Variants in RUNX1 observed in about 807,000 individuals in gnomAD.
The protein encoded by RUNX1 is runt-related transcription factor 1.
A neutral mutation model predicts 42.8 loss-of-function variants in RUNX1; 19 were observed. The observed-to-expected ratio is 0.44, with a 90% CI of 0.31 to 0.65. The LOEUF (loss-of-function observed/expected upper bound fraction) is 0.65, where lower values mean the gene tolerates loss of function less well. Among genes scored for constraint, RUNX1 ranks in the 30% least tolerant of loss-of-function variants. The pLI is 0.07. For synonymous variants in RUNX1, 271 were observed against 289.4 expected, an observed-to-expected ratio of 0.94 and a Z score of 0.64; for missense variants, 528 against 672.0, an observed-to-expected ratio of 0.79 and a Z score of 2.37.
intron 2 of RUNX1, among the ~76,000 whole-genome samples, chr21:34,925,647 T>A (rs2058387425): frequency 6.6e-6 from 1 of 152,216 alleles, no homozygotes; most frequent in African/African-American, 2.4e-5. Context: ...TTCTGGCTTC[T>A]AAAGTTTTGA....
At chr21:34,859,178 G>A (rs964106409) in intron 6 of RUNX1, among the ~76,000 whole-genome samples, 1 of 152,186 alleles carries the variant, frequency 6.6e-6, no homozygotes, top group Non-Finnish European at 1.5e-5. Flanking sequence ...GAACTTTACT[G>A]TATATTGAGG....
chr21:35,048,997 T>G, intron 1 of RUNX1, 39 bp from the exon 2 acceptor site: 1 of 977,646 alleles, frequency 1.0e-6, no homozygotes. Context: ...TGTTTCAGCC[T>G]CACCCCTCTA....
At position 34,834,608 on chromosome 21, in the gene RUNX1, T is replaced by C. The variant is rs763091190; in HGVS notation, c.614-7A>G. On this transcript the variant is annotated splice_region_variant and splice_polypyrimidine_tract_variant and intron_variant, in intron 6 of 8. Transcript: ENST00000675419. ...TCTAGTTTCTGCCGATGTCCTATTGTGGGGAGCAGGGAGGGGAGGGGATGG... is the reference window on the plus strand; with the variant it reads ...TCTAGTTTCTGCCGATGTCCTATTGCGGGGAGCAGGGAGGGGAGGGGATGG... The C allele has an allele frequency of 7.1e-7, 1 of 1,416,094 alleles. No individual in the cohort carries two copies. Among genetic ancestry groups the C allele is most frequent in the Non-Finnish European group, 9.4e-7 (1 of 1,059,062 alleles). 87.7% of individuals were successfully genotyped at this position (1,416,094 alleles called of 1,614,324 possible).
At chr21:34,870,749 A>G (rs1327398911) in intron 5 of RUNX1, among the ~76,000 whole-genome samples, 2 of 152,104 alleles carry the variant, frequency 1.3e-5, no homozygotes, top group Non-Finnish European at 2.9e-5. Flanking sequence ...CACGAGGTCA[A>G]GAGATCGAGA....
Position 34,888,656 on chromosome 21 carries a change from G to GGGCGCCCGTCCCGCCCGCGC in RUNX1, c.98-1580_98-1561dup. On this transcript the variant is annotated intron_variant, in intron 3 of 8. Coordinates refer to ENST00000675419, the MANE Select transcript of RUNX1 (RefSeq NM_001754.5). Reference sequence around the variant, plus strand: ...GGTGCCCTGGCTGGGTCCGGCCGCGGGGCGCCCGTCCCGCCCGCGCCCGCT... The same window carrying GGGCGCCCGTCCCGCCCGCGC: ...GGTGCCCTGGCTGGGTCCGGCCGCGGGGCGCCCGTCCCGCCCGCGCGGCGCCCGTCCCGCCCGCGCCCGCT... The GGGCGCCCGTCCCGCCCGCGC allele has an allele frequency of 1.3e-5, 14 of 1,049,620 alleles. No individual in the cohort carries two copies. The South Asian group carries it at 2.3e-4, about 17-fold the overall frequency. 65.0% of individuals were successfully genotyped at this position (1,049,620 alleles called of 1,614,324 possible). A position where few individuals can be genotyped will look rare whatever the true frequency, so the allele number is the denominator to read the frequency against.
chr21:35,036,558 T>C (rs145939396), intron 2 of RUNX1, among the ~76,000 whole-genome samples: 5 of 151,890 alleles, frequency 3.3e-5, no homozygotes, highest in African/African-American at 1.2e-4. Flanking sequence ...TTTTATACAA[T>C]AAAGGTGAAG....
chr21:34,956,381 A>G (rs754216686), intron 2 of RUNX1, among the ~76,000 whole-genome samples: 1 of 152,226 alleles, frequency 6.6e-6, no homozygotes, highest in Non-Finnish European at 1.5e-5. Context: ...GAGAATTGTG[A>G]ACATACAGAA....
chr21:34,945,253 C>T (rs2058555993), intron 2 of RUNX1, among the ~76,000 whole-genome samples: 1 of 152,124 alleles, frequency 6.6e-6, no homozygotes, highest in South Asian at 2.1e-4. Flanking sequence ...CAAAGGCATC[C>T]TAGAATTTTT....
chr21:34,851,531 T>C (rs972982162), intron 6 of RUNX1, among the ~76,000 whole-genome samples: 2 of 152,164 alleles, frequency 1.3e-5, no homozygotes, highest in African/African-American at 2.4e-5. Context: ...AAATTCAGGA[T>C]CCAGAAAACT....
intron 2 of RUNX1, among the ~76,000 whole-genome samples, chr21:34,911,423 G>C (rs554242852): frequency 2.6e-5 from 4 of 152,266 alleles, no homozygotes; most frequent in African/African-American, 9.6e-5. Context: ...ATCCACCAAG[G>C]TGCCTGACAG....
intron 2 of RUNX1, among the ~76,000 whole-genome samples, chr21:34,993,575 GCACACA>G (rs200545300): frequency 7.1e-5 from 2 of 28,280 alleles, no homozygotes; most frequent in East Asian, 9.1e-4. Flanking sequence ...ACACACACAG[GCACACA>G]CACAGACACA....
chr21:34,840,846 TC>T (rs1167506916), intron 6 of RUNX1, among the ~76,000 whole-genome samples: 2 of 152,174 alleles, frequency 1.3e-5, no homozygotes, highest in African/African-American at 2.4e-5. Flanking sequence ...ACCTTGGACT[TC>T]AGTATTCAAA....
chr21:34,796,560 C>G (rs1241426516), intron 8 of RUNX1, among the ~76,000 whole-genome samples: 1 of 152,094 alleles, frequency 6.6e-6, no homozygotes, highest in Non-Finnish European at 1.5e-5. Context: ...CTTAGGAGGT[C>G]CAGGTATTTT....
At chr21:34,995,312 A>C (rs1243467812) in intron 2 of RUNX1, among the ~76,000 whole-genome samples, 1 of 152,164 alleles carries the variant, frequency 6.6e-6, no homozygotes, top group East Asian at 1.9e-4. Flanking sequence ...TGGTTTTGGT[A>C]AATTAAAAGC....
At chr21:34,913,369 G>A (rs961056512) in intron 2 of RUNX1, among the ~76,000 whole-genome samples, 1 of 152,142 alleles carries the variant, frequency 6.6e-6, no homozygotes, top group Admixed American at 6.5e-5. Context: ...TCTGATGCGG[G>A]GCTGTTCACC....
chr21:34,896,686 A>AAAAGG (rs974366343), intron 2 of RUNX1, among the ~76,000 whole-genome samples: 14 of 79,268 alleles, frequency 1.8e-4, no homozygotes, highest in African/African-American at 1.1e-3. Flanking sequence ...CTGTCTCATA[A>AAAAGG]AAAGAAAAGA....
chr21:34,896,496 A>ACC (rs1378528651), intron 2 of RUNX1, among the ~76,000 whole-genome samples: 1 of 152,224 alleles, frequency 6.6e-6, no homozygotes, highest in Non-Finnish European at 1.5e-5. Context: ...CAGCCTGACC[A>ACC]ACATGGTAAA....
intron 2 of RUNX1, among the ~76,000 whole-genome samples, chr21:35,016,672 T>C (rs1021165490): frequency 2.6e-5 from 4 of 152,104 alleles, no homozygotes; most frequent in African/African-American, 9.7e-5. Flanking sequence ...GCTAGTGTAG[T>C]CATTTGATAC....
intron 5 of RUNX1, among the ~76,000 whole-genome samples, chr21:34,862,330 G>T (rs2057588958): frequency 1.3e-5 from 2 of 152,178 alleles, no homozygotes; most frequent in African/African-American, 4.8e-5. Flanking sequence ...TGTGCAGGCG[G>T]GCAGGTCCAC....
Sources: allele counts gnomAD v4.1 joint callset (sites outside exome capture counted in the v4.1 genomes callset), GRCh38; gene constraint gnomAD v4.1.1; transcripts MANE v1.5; gene names NCBI Gene and HGNC (gene_info 2026-07-23, HGNC 2026-07-21).